Variants in RIPPLY3 observed in about 807,000 individuals in gnomAD.
The protein encoded by RIPPLY3 is ripply transcriptional repressor 3, also known as protein ripply3.
RIPPLY3 carries 8 observed loss-of-function variants against 11.9 expected under a neutral mutation model. That is an observed-to-expected ratio of 0.67 (90% CI 0.40 to 1.21). The LOEUF (loss-of-function observed/expected upper bound fraction) is 1.21, where lower values mean the gene tolerates loss of function less well. Ranked by LOEUF, RIPPLY3 falls within the 50% of genes most tolerant of loss-of-function variation. The pLI, the probability that RIPPLY3 is intolerant of heterozygous loss-of-function variation, is 0.01. For synonymous variants in RIPPLY3, 102 were observed against 99.0 expected, an observed-to-expected ratio of 1.03 and a Z score of -0.18; for missense variants, 271 against 246.0, an observed-to-expected ratio of 1.10 and a Z score of -0.68.
intron 3 of RIPPLY3, among the ~76,000 whole-genome samples, chr21:37,013,931 A>T (rs1186021821): frequency 6.6e-6 from 1 of 152,214 alleles, no homozygotes; most frequent in East Asian, 1.9e-4. Flanking sequence ...TTGTATATGC[A>T]TATACAAAAA....
intron 2 of RIPPLY3, among the ~76,000 whole-genome samples, chr21:37,012,212 T>TTTATTATTATTA (rs35315761): frequency 0.015 from 1,970 of 132,480 alleles, 29 homozygotes; most frequent in African/African-American, 0.04. Context: ...CCGCTCCTTA[T>TTTATTATTATTA]TTATTATTAT....
chr21:37,006,164 G>T (rs2069461191), upstream of RIPPLY3: 1 of 152,406 alleles, frequency 6.6e-6, no homozygotes, highest in South Asian at 2.1e-4. This position sits in a 1 kb window ranked among gnomAD's most constrained non-coding sequence, Gnocchi z 5.2. Context: ...GCCCGAGGCC[G>T]CGGGGACCAC....
At chr21:37,013,283 G>T (rs1400598178) in intron 2 of RIPPLY3, among the ~76,000 whole-genome samples, 2 of 152,082 alleles carry the variant, frequency 1.3e-5, no homozygotes, top group African/African-American at 2.4e-5. Context: ...GCATACATGT[G>T]CGTCTCTGTC....
At chr21:37,013,942 C>T (rs537219316) in intron 3 of RIPPLY3, among the ~76,000 whole-genome samples, 1 of 152,250 alleles carries the variant, frequency 6.6e-6, no homozygotes, top group South Asian at 2.1e-4. Flanking sequence ...TATACAAAAA[C>T]TTATATATTG....
intron 3 of RIPPLY3, among the ~76,000 whole-genome samples, chr21:37,017,389 C>T (rs1000685772): frequency 5.3e-5 from 8 of 152,156 alleles, no homozygotes; most frequent in African/African-American, 1.9e-4. Context: ...AGCTGCTTCT[C>T]TAGACCAGGG....
At chr21:37,009,688 G>T (rs982027606) in intron 2 of RIPPLY3, among the ~76,000 whole-genome samples, 4 of 152,212 alleles carry the variant, frequency 2.6e-5, no homozygotes, top group Admixed American at 1.3e-4. Flanking sequence ...ACGATAGCAC[G>T]CTCCCTAAGT....
chr21:37,017,503 A>T (rs2069590997), intron 3 of RIPPLY3, among the ~76,000 whole-genome samples: 1 of 152,086 alleles, frequency 6.6e-6, no homozygotes, highest in Non-Finnish European at 1.5e-5. Context: ...GCTTCACCTA[A>T]ATGGGACATC....
chr21:37,018,417 T>C lies in RIPPLY3; in HGVS notation c.*210T>C, dbSNP rs2069604762. 1.7e-6 allele frequency: 1 copy of C among 574,220 alleles called. No individual in the cohort carries two copies. The highest frequency in any genetic ancestry group is 4.5e-4 in the Middle Eastern group (1 of 2,238). 35.6% of individuals were successfully genotyped at this position (574,220 alleles called of 1,614,324 possible). A position where few individuals can be genotyped will look rare whatever the true frequency, so the allele number is the denominator to read the frequency against. On this transcript the variant is annotated 3_prime_UTR_variant, in exon 4 of 4. Coordinates refer to ENST00000329553, the MANE Select transcript of RIPPLY3 (RefSeq NM_018962.3). Reference sequence around the variant, plus strand: ...CGTTTTTGGTGCACTCATGCATGCCTTTGAGAAAGGATTCTAGGAGAAAGA... The same window carrying C: ...CGTTTTTGGTGCACTCATGCATGCCCTTGAGAAAGGATTCTAGGAGAAAGA...
At position 37,007,774 on chromosome 21, in the gene RIPPLY3, C is replaced by T. The variant is rs114475973; in HGVS notation, c.105-383C>T. On this transcript the variant is annotated intron_variant, in intron 1 of 3. Transcript: ENST00000329553. ...AAAATCATCTCTGTAGAATCAATCT[C>T]CTTCCGTGACCAAGGTGGTGTGATT... Among the ~76,000 whole-genome samples, 1,391 of 152,262 alleles carry T rather than the reference C, an allele frequency of 9.1e-3. 25 individuals are homozygous for T. The highest frequency in any genetic ancestry group is 0.031 in the African/African-American group (1,290 of 41,550).
chr21:37,016,844 A>G (rs939168568), intron 3 of RIPPLY3, among the ~76,000 whole-genome samples: 2 of 151,836 alleles, frequency 1.3e-5, no homozygotes, highest in Non-Finnish European at 2.9e-5. Flanking sequence ...AACAAAAAAG[A>G]AAGAAAGTAA....
chr21:37,014,993 G>C (rs61384642), intron 3 of RIPPLY3, among the ~76,000 whole-genome samples: 1 of 152,080 alleles, frequency 6.6e-6, no homozygotes, highest in Non-Finnish European at 1.5e-5. Flanking sequence ...CTCCCAAAGC[G>C]TTGGGATTAC....
intron 1 of RIPPLY3, 133 bp from the exon 2 acceptor site, chr21:37,008,024 C>A: frequency 1.2e-6 from 1 of 800,380 alleles, no homozygotes; most frequent in South Asian, 1.8e-5. Context: ...CCTGAGAACT[C>A]CAGGGAAAGT....
At chr21:37,006,577 T>G (rs1601093213), upstream of RIPPLY3, 1 of 365,732 alleles carries the variant, frequency 2.7e-6, no homozygotes. This position sits in a 1 kb window ranked among gnomAD's most constrained non-coding sequence, Gnocchi z 5.2. Context: ...GACCCGGGCT[T>G]TTCCTTCGTA....
rs571036122 is a variant in RIPPLY3, at chr21:37,008,237, C to T, written c.171+14C>T. 322 of 1,613,624 alleles carry T rather than the reference C, an allele frequency of 2.0e-4. 3 individuals carry two copies. The South Asian group carries it at 3.4e-3, about 17-fold the overall frequency. On this transcript the variant is annotated intron_variant, in intron 2 of 3. Transcript: ENST00000329553. ...ACTGGAAGGCCGGTAAGGTTCAGTG[C>T]GGGCGTTGTAGGTAACCCTTCCAGC...
chr21:37,018,288 A>G lies in RIPPLY3; in HGVS notation c.*81A>G. The G allele has an allele frequency of 8.3e-7, 1 of 1,207,496 alleles. No homozygotes were observed. The highest frequency in any genetic ancestry group is 1.2e-6 in the Non-Finnish European group (1 of 827,214). The allele number at this position is 1,207,496 out of a possible 1,614,324, so 74.8% of individuals were successfully genotyped here. A position where few individuals can be genotyped will look rare whatever the true frequency, so the allele number is the denominator to read the frequency against. On this transcript the variant is annotated 3_prime_UTR_variant, in exon 4 of 4. Transcript: ENST00000329553. ...GGACACCCGAGCCAGGACACTACGC[A>G]TCCCTGCTGAGTGTGCAGAGGCTAG...
In RIPPLY3 at chr21:37,018,138, C is replaced by T; in HGVS notation, c.504C>T (p.Asp168=). The T allele has an allele frequency of 6.2e-7, 1 of 1,613,970 alleles. No homozygotes were observed. The highest frequency in any genetic ancestry group is 8.5e-7 in the Non-Finnish European group (1 of 1,179,974). ...GGCAGCGATCCTCAGGAGGGGGTGA[C>T]CACTGGGGGGAGGGTCCGCTCCCTC... ...NQGQRSSGGG[D]HWGEGPLPQG... is the part of the protein sequence containing the mutation. Residue 168 remains aspartate (D), a synonymous_variant, in exon 4 of 4, where the codon GAC becomes GAT. Transcript: ENST00000329553.
At chr21:37,008,096 C>A in intron 1 of RIPPLY3, 61 bp from the exon 2 acceptor site, 1 of 1,555,546 alleles carries the variant, frequency 6.4e-7, no homozygotes, top group Non-Finnish European at 8.8e-7. Flanking sequence ...GCTCTCATGG[C>A]ATAGTTTGAA....
chr21:37,012,855 C>T (rs1402459823), intron 2 of RIPPLY3, among the ~76,000 whole-genome samples: 1 of 134,034 alleles, frequency 7.5e-6, no homozygotes, highest in Non-Finnish European at 1.5e-5. Flanking sequence ...TGTTTTCCTG[C>T]CACTCTGATT....
intron 2 of RIPPLY3, among the ~76,000 whole-genome samples, chr21:37,009,375 G>C (rs922801517): frequency 7.9e-5 from 12 of 152,048 alleles, no homozygotes; most frequent in African/African-American, 2.9e-4. Context: ...TGGGAAAACA[G>C]ACCTTCACCG....
Sources: allele counts gnomAD v4.1 joint callset (sites outside exome capture counted in the v4.1 genomes callset), GRCh38; gene constraint gnomAD v4.1.1; non-coding constraint Gnocchi (gnomAD v3.1); transcripts MANE v1.5; gene names NCBI Gene and HGNC (gene_info 2026-07-23, HGNC 2026-07-21).